The following SLC25A21 variants were observed in gnomAD, a reference collection of about 807,000 sequenced individuals.
SLC25A21 encodes solute carrier family 25 member 21.
SLC25A21 carries 47 observed loss-of-function variants against 43.8 expected under a neutral mutation model. The ratio of observed to expected loss-of-function variants is 1.07; its 90% confidence interval spans 0.85 to 1.37. The LOEUF (loss-of-function observed/expected upper bound fraction) is 1.37, where lower values mean the gene tolerates loss of function less well. Ranked by LOEUF, SLC25A21 falls within the 40% of genes most tolerant of loss-of-function variation. The pLI is 0.00. For synonymous variants in SLC25A21, 131 were observed against 121.3 expected, an observed-to-expected ratio of 1.08 and a Z score of -0.52; for missense variants, 352 against 350.2, an observed-to-expected ratio of 1.00 and a Z score of -0.04.
At chr14:36,905,627 T>C (rs905010754) in intron 1 of SLC25A21, among the ~76,000 whole-genome samples, 13 of 152,342 alleles carry the variant, frequency 8.5e-5, no homozygotes, top group African/African-American at 2.9e-4. Flanking sequence ...AGGGATTTTT[T>C]TTTTTGTCTT....
At chr14:36,772,708 A>G (rs1283518392) in intron 3 of SLC25A21, among the ~76,000 whole-genome samples, 1 of 152,122 alleles carries the variant, frequency 6.6e-6, no homozygotes, top group Non-Finnish European at 1.5e-5. Context: ...AACACATCAC[A>G]AACCTTCATG....
intron 6 of SLC25A21, among the ~76,000 whole-genome samples, chr14:36,718,974 G>A (rs552353974): frequency 1.1e-4 from 16 of 152,240 alleles, no homozygotes; most frequent in Non-Finnish European, 1.3e-4. Context: ...CATATGTAAC[G>A]TAGATAAAAA....
At chr14:36,778,067 C>T (rs1015848998) in intron 3 of SLC25A21, among the ~76,000 whole-genome samples, 1 of 152,144 alleles carries the variant, frequency 6.6e-6, no homozygotes, top group Admixed American at 6.5e-5. Context: ...CTCCTTTGGT[C>T]CCCAGGATAC....
At position 36,907,657 on chromosome 14, in the gene SLC25A21, G is replaced by A. The variant is rs182638224; in HGVS notation, c.71-32653C>T. Among the ~76,000 whole-genome samples, 16 of 152,178 alleles carry A rather than the reference G, an allele frequency of 1.1e-4. 1 individual carries two copies. Among genetic ancestry groups the A allele is most frequent in the Middle Eastern group, 3.4e-3 (1 of 294 alleles). On this transcript the variant is annotated intron_variant, in intron 1 of 9. Transcript: ENST00000331299. ...TGAAGATGGATTAGGTTTTTGGAAC[G>A]AACCAAGCATCAGATGGAACTAAGA...
At chr14:36,781,146 CTG>C (rs908790026) in intron 3 of SLC25A21, among the ~76,000 whole-genome samples, 18 of 152,112 alleles carry the variant, frequency 1.2e-4, no homozygotes, top group African/African-American at 4.3e-4. Context: ...GCCATCCCTG[CTG>C]TGTTTTGGTT....
intron 1 of SLC25A21, among the ~76,000 whole-genome samples, chr14:37,005,841 T>C (rs1960591157): frequency 6.6e-6 from 1 of 152,244 alleles, no homozygotes; most frequent in Non-Finnish European, 1.5e-5. Flanking sequence ...AAACAAAGTA[T>C]ATGGCCATTG....
chr14:37,089,029 G>A (rs2144319), intron 1 of SLC25A21, among the ~76,000 whole-genome samples: 6,751 of 152,162 alleles, frequency 0.044, 498 homozygotes, highest in African/African-American at 0.15. Context: ...GACTTCCGCC[G>A]TAAGCGAGGC....
rs78756171 is a variant in SLC25A21 at position 36,969,689 on chromosome 14, G to A, written c.71-94685C>T. ...AAAAAATTTATGGAGATGGGGTCTC[G>A]GTACGTTATCTATACTGGTCCCAAA... On this transcript the variant is annotated intron_variant, in intron 1 of 9. Transcript: ENST00000331299. Among the ~76,000 whole-genome samples the A allele has an allele frequency of 7.3e-3, 1,105 of 151,880 alleles. 12 individuals carry two copies. The highest frequency in any genetic ancestry group is 0.025 in the African/African-American group (1,038 of 41,400).
chr14:36,910,512 G>T (rs1278364653), intron 1 of SLC25A21, among the ~76,000 whole-genome samples: 1 of 151,984 alleles, frequency 6.6e-6, no homozygotes, highest in Non-Finnish European at 1.5e-5. Flanking sequence ...GCTTGGATGA[G>T]AAAAAAATAG....
At chr14:37,146,951 T>A (rs918123639) in intron 1 of SLC25A21, among the ~76,000 whole-genome samples, 2 of 152,216 alleles carry the variant, frequency 1.3e-5, no homozygotes, top group African/African-American at 4.8e-5. Context: ...ACAGCTCCCA[T>A]TTTCTCCAAC....
chr14:36,764,083 G>GAGAGAGAGAGAGAGAGA, intron 3 of SLC25A21, among the ~76,000 whole-genome samples: 1 of 19,738 alleles, frequency 5.1e-5, no homozygotes, highest in East Asian at 3.8e-3. Context: ...AAAGAAAGAA[G>GAGAGAGAGAGAGAGAGA]GAAGGAAGGA....
intron 1 of SLC25A21, among the ~76,000 whole-genome samples, chr14:37,116,943 T>C (rs560248426): frequency 2.0e-5 from 3 of 152,274 alleles, no homozygotes; most frequent in Admixed American, 6.5e-5. Context: ...ACTTGTAGTA[T>C]TGGGTGCCAT....
chr14:36,785,273 T>A (rs1205770702), intron 3 of SLC25A21, among the ~76,000 whole-genome samples: 1 of 152,220 alleles, frequency 6.6e-6, no homozygotes, highest in African/African-American at 2.4e-5. Flanking sequence ...AGAATTCTGA[T>A]TCTATTTGGA....
chr14:37,100,756 G>A (rs1196952825), intron 1 of SLC25A21, among the ~76,000 whole-genome samples: 1 of 152,146 alleles, frequency 6.6e-6, no homozygotes, highest in Non-Finnish European at 1.5e-5. Flanking sequence ...GGGTCAAGTG[G>A]GTGATTCTGG....
At chr14:37,167,166 A>G (rs1034182666) in intron 1 of SLC25A21, among the ~76,000 whole-genome samples, 2 of 152,230 alleles carry the variant, frequency 1.3e-5, no homozygotes, top group African/African-American at 4.8e-5. Context: ...TTGAGGGCAT[A>G]TAACAGGGAG....
rs1049781747 is a variant in SLC25A21, at chr14:36,677,945, C to T, written c.*2713G>A. ...AAAATTCTACAGTTTTTAATCCCTT[C>T]TGTTTAGGAAGTTCTTCCTGTTTGG... On this transcript the variant is annotated 3_prime_UTR_variant, in exon 10 of 10. Transcript: ENST00000331299. 3 of 152,832 alleles carry T rather than the reference C, an allele frequency of 2.0e-5. No homozygotes were observed. Among genetic ancestry groups the T allele is most frequent in the Non-Finnish European group, 2.9e-5 (2 of 68,486 alleles). 9.5% of individuals were successfully genotyped at this position (152,832 alleles called of 1,614,324 possible).
chr14:37,091,541 T>G (rs750231043), intron 1 of SLC25A21, among the ~76,000 whole-genome samples: 5 of 151,788 alleles, frequency 3.3e-5, no homozygotes, highest in South Asian at 4.2e-4. Flanking sequence ...CTAAATAGAC[T>G]GCAAAAAGGA....
At chr14:36,788,177 A>G (rs1337991759) in intron 3 of SLC25A21, among the ~76,000 whole-genome samples, 1 of 152,116 alleles carries the variant, frequency 6.6e-6, no homozygotes, top group African/African-American at 2.4e-5. Context: ...TCCATTCATC[A>G]CTGGAGAGTA....
intron 1 of SLC25A21, among the ~76,000 whole-genome samples, chr14:37,041,576 T>C (rs1342769683): frequency 6.6e-6 from 1 of 152,184 alleles, no homozygotes; most frequent in Non-Finnish European, 1.5e-5. Flanking sequence ...TCTATTTCTG[T>C]TGAGTAAGAG....
Sources: allele counts gnomAD v4.1 joint callset (sites outside exome capture counted in the v4.1 genomes callset), GRCh38; gene constraint gnomAD v4.1.1; transcripts MANE v1.5; gene names NCBI Gene and HGNC (gene_info 2026-07-23, HGNC 2026-07-21).